Variants in SCYL3 observed in about 807,000 individuals in gnomAD.
SCYL3 encodes protein-associating with the carboxyl-terminal domain of ezrin.
In SCYL3, 35 loss-of-function variants were observed where a neutral mutation model predicts 73.8. The observed-to-expected ratio is 0.47, with a 90% CI of 0.36 to 0.63. The LOEUF is 0.63. Ranked by LOEUF, SCYL3 falls within the 20% of genes least tolerant of loss-of-function variation. The probability of loss-of-function intolerance (pLI) is 0.00; values close to 1 mark genes in which losing one functional copy is unlikely to be tolerated. For synonymous variants in SCYL3, 277 were observed against 295.2 expected (o/e 0.94, Z 0.63); for missense variants, 712 against 798.9 (o/e 0.89, Z 1.31).
rs371665532 is a variant in SCYL3 at position 169,864,388 on chromosome 1, A to G, written c.936T>C (p.Tyr312=). 1.9e-6 allele frequency: 3 copies of G among 1,614,076 alleles called. No individual in the cohort carries two copies. Among genetic ancestry groups the G allele is most frequent in the East Asian group, 4.5e-5 (2 of 44,902 alleles). ...ATTCACCTTTTTTGGGGCCAAGCAG[A>G]TAAGGAAGAAAACTCTTAACAGCCA... The part of the protein sequence containing the change: ...EPVAVKSFLP[Y]LLGPKKDHAQ... Residue 312 remains tyrosine (Y), a synonymous_variant, in exon 9 of 13, where the codon TAT becomes TAC. Transcript: ENST00000367771.
At position 169,882,383 on chromosome 1, in the gene SCYL3, G is replaced by A. The variant is rs566581374; in HGVS notation, c.166-3564C>T. ...TCAGGACCTGCAGCATGCCATGCCT[G>A]AGCCTCCCACCCCTCCCTGGGCTCC... On this transcript the variant is annotated intron_variant, in intron 2 of 12. Transcript: ENST00000367771. Among the ~76,000 whole-genome samples the A allele has an allele frequency of 1.1e-4, 17 of 152,328 alleles. 1 individual carries two copies. In the South Asian group the frequency reaches 3.3e-3, roughly 30 times the overall value.
chr1:169,850,523 C>G lies in SCYL3; in HGVS notation c.*3190G>C. 1.9e-6 allele frequency: 1 copy of G among 521,052 alleles called. No individual in the cohort carries two copies. The highest frequency in any genetic ancestry group is 3.4e-6 in the Non-Finnish European group (1 of 291,060). 32.3% of individuals were successfully genotyped at this position (521,052 alleles called of 1,614,324 possible). On this transcript the variant is annotated 3_prime_UTR_variant, in exon 13 of 13. Transcript: ENST00000367771. ...CAGAAGTAAAACACTTGGGGCCAGG[C>G]GCGGCGGCTCATGCCTGTAATCCCA...
chr1:169,876,958 TAAAAAAAAAAA>T (rs61051062), intron 3 of SCYL3, among the ~76,000 whole-genome samples: 29 of 76,422 alleles, frequency 3.8e-4, no homozygotes, highest in East Asian at 9.0e-4. Flanking sequence ...TTGTCTCAAA[TAAAAAAAAAAA>T]AAAAAAAAAA....
At chr1:169,862,337 T>A (rs1474024732) in intron 10 of SCYL3, among the ~76,000 whole-genome samples, 2 of 152,250 alleles carry the variant, frequency 1.3e-5, no homozygotes, top group Non-Finnish European at 2.9e-5. Context: ...TTATATGTTA[T>A]GTTCACAAAG....
At chr1:169,853,928 T>A (rs1410624824) in intron 12 of SCYL3, 156 bp from the exon 13 acceptor site, 1 of 810,548 alleles carries the variant, frequency 1.2e-6, no homozygotes. Context: ...AACAGAAAGT[T>A]GAAAAGTAGG....
intron 11 of SCYL3, chr1:169,855,803 TA>T (rs754307905): frequency 3.3e-5 from 54 of 1,612,374 alleles, no homozygotes; most frequent in Non-Finnish European, 4.4e-5. Flanking sequence ...TACCTGTCTG[TA>T]AAAGAGTATT....
At chr1:169,873,610 A>C in intron 5 of SCYL3, 86 bp downstream of exon 5, 1 of 813,184 alleles carries the variant, frequency 1.2e-6, no homozygotes, top group Non-Finnish European at 2.0e-6. Context: ...TCAGTAAAGA[A>C]AGGAGTAAGC....
intron 2 of SCYL3, among the ~76,000 whole-genome samples, chr1:169,886,101 G>A (rs1287387726): frequency 5.3e-5 from 8 of 152,128 alleles, no homozygotes; most frequent in South Asian, 2.1e-4. Flanking sequence ...TCACGAGGTC[G>A]AGAGGTAGAG....
chr1:169,885,448 G>C (rs145526566), intron 2 of SCYL3, among the ~76,000 whole-genome samples: 1 of 152,200 alleles, frequency 6.6e-6, no homozygotes, highest in East Asian at 1.9e-4. Flanking sequence ...CCACCTGCAG[G>C]CTTTTAGATG....
intron 8 of SCYL3, among the ~76,000 whole-genome samples, chr1:169,865,425 C>G (rs929871154): frequency 6.6e-6 from 1 of 152,080 alleles, no homozygotes; most frequent in Non-Finnish European, 1.5e-5. Context: ...ATTAAGGATC[C>G]GAGGGCCTCC....
intron 10 of SCYL3, among the ~76,000 whole-genome samples, chr1:169,861,722 A>G (rs1659665490): frequency 6.6e-6 from 1 of 152,244 alleles, no homozygotes; most frequent in Non-Finnish European, 1.5e-5. Flanking sequence ...TAGGAAAATT[A>G]TTTGAAAGAC....
chr1:169,868,803 A>G, intron 7 of SCYL3, 125 bp downstream of exon 7: 1 of 625,862 alleles, frequency 1.6e-6, no homozygotes, highest in African/African-American at 1.8e-5. Flanking sequence ...ATCTCTCCTA[A>G]TAATTAACAA....
At chr1:169,862,934 A>G in intron 9 of SCYL3, 137 bp from the exon 10 acceptor site, 3 of 801,540 alleles carry the variant, frequency 3.7e-6, no homozygotes, top group East Asian at 2.7e-5. Context: ...TCTTTTTGAG[A>G]TGGAGTCTCA....
chr1:169,872,547 G>C (rs983535584), intron 5 of SCYL3, among the ~76,000 whole-genome samples: 25 of 152,212 alleles, frequency 1.6e-4, no homozygotes, highest in African/African-American at 6.0e-4. Flanking sequence ...GTGAGAAGGA[G>C]GCCAGCATCC....
chr1:169,881,954 C>A (rs1661295400), intron 2 of SCYL3, among the ~76,000 whole-genome samples: 1 of 152,246 alleles, frequency 6.6e-6, no homozygotes, highest in Non-Finnish European at 1.5e-5. Flanking sequence ...TGCTGGCAGT[C>A]CTCACAGCCC....
At position 169,878,739 on chromosome 1, in the gene SCYL3, A is replaced by G; in HGVS notation, c.246T>C (p.Thr82=). 2 of 1,614,202 alleles carry G rather than the reference A, an allele frequency of 1.2e-6. No individual in the cohort carries two copies. ...CCACTTCCAGGGGCTGTACTCGCTC[A>G]GTGACAAGATGAATGCCATCCGCTT... ...TVEADGIHLV[T]ERVQPLEVAL... Residue 82 remains threonine (T), a synonymous_variant, in exon 3 of 13, where the codon ACT becomes ACC. Coordinates refer to ENST00000367771, the MANE Select transcript of SCYL3 (RefSeq NM_020423.7).
At chr1:169,885,692 A>G (rs1172301601) in intron 2 of SCYL3, among the ~76,000 whole-genome samples, 1 of 152,228 alleles carries the variant, frequency 6.6e-6, no homozygotes, top group East Asian at 1.9e-4. Context: ...TCCATTCTGT[A>G]GAGCTTGCAT....
In SCYL3 at chr1:169,854,659, C is replaced by G; in HGVS notation, c.1618G>C (p.Val540Leu). The G allele has an allele frequency of 6.2e-7, 1 of 1,614,070 alleles. No individual in the cohort carries two copies. The change falls in exon 12 of 13, where the codon GTT becomes CTT. Residue 540 changes from valine to leucine, a missense_variant. Around this residue, in one of 2 missense-constraint regions of SCYL3, gnomAD observed 370 missense variants for 350.8 expected, o/e 1.05. Coordinates refer to ENST00000367771, the MANE Select transcript of SCYL3 (RefSeq NM_020423.7). The part of the protein sequence containing the change: ...PGGGITATKP[V>L]TSGEQKPIPA... ...ATAGGCTTCTGCTCCCCTGAGGTAA[C>G]AGGTTTTGTAGCAGTGATTCCACCT... is the stretch of plus-strand genomic sequence containing the variant.
intron 8 of SCYL3, among the ~76,000 whole-genome samples, chr1:169,866,355 G>C (rs1660034303): frequency 6.6e-6 from 1 of 152,200 alleles, no homozygotes; most frequent in African/African-American, 2.4e-5. Context: ...CCACTCAATA[G>C]AGAACAAAGT....
Sources: gnomAD v4.1 joint callset for allele counts (sites outside exome capture counted in the v4.1 genomes callset) on GRCh38, gnomAD v4.1.1 for gene constraint, gnomAD v4.1.1 regional missense constraint, MANE v1.5 for transcripts, NCBI Gene and HGNC (gene_info 2026-07-23, HGNC 2026-07-21) for gene names.